The following SLC8A1 variants were observed in gnomAD, a reference collection of about 807,000 sequenced individuals.
SLC8A1 encodes sodium/calcium exchanger 1.
A neutral mutation model predicts 68.3 loss-of-function variants in SLC8A1; 18 were observed. The ratio of observed to expected loss-of-function variants is 0.26; its 90% confidence interval spans 0.18 to 0.39. SLC8A1 has a LOEUF of 0.39. SLC8A1 is among the 10% of genes least tolerant of loss of function. The pLI, the probability that SLC8A1 is intolerant of heterozygous loss-of-function variation, is 1.00. For synonymous variants in SLC8A1, 475 were observed against 415.5 expected (o/e 1.14, Z -1.74); for missense variants, 985 against 1,156.7 (o/e 0.85, Z 2.15).
intron 2 of SLC8A1, among the ~76,000 whole-genome samples, chr2:40,311,486 C>G (rs2073662893): frequency 6.6e-6 from 1 of 151,954 alleles, no homozygotes; most frequent in African/African-American, 2.4e-5. Context: ...TGATGTATGT[C>G]TACTGAACTC....
intron 1 of SLC8A1, among the ~76,000 whole-genome samples, chr2:40,483,005 C>T (rs536747629): frequency 4.7e-5 from 7 of 150,022 alleles, no homozygotes; most frequent in Admixed American, 4.0e-4. Context: ...GGGGTTTCAC[C>T]GTGTTAGCCA....
chr2:40,205,974 T>C (rs1180817858), intron 2 of SLC8A1, among the ~76,000 whole-genome samples: 1 of 152,000 alleles, frequency 6.6e-6, no homozygotes, highest in African/African-American at 2.4e-5. Flanking sequence ...TTGTATGATT[T>C]GGTGACACAA....
At chr2:40,268,430 C>G (rs925431832) in intron 2 of SLC8A1, among the ~76,000 whole-genome samples, 18 of 152,252 alleles carry the variant, frequency 1.2e-4, no homozygotes, top group Non-Finnish European at 1.8e-4. Context: ...TTGGATAATA[C>G]TAGGAGCCAG....
At chr2:40,305,947 G>A (rs1384036183) in intron 2 of SLC8A1, among the ~76,000 whole-genome samples, 1 of 152,170 alleles carries the variant, frequency 6.6e-6, no homozygotes, top group Non-Finnish European at 1.5e-5. Flanking sequence ...CTTGGTAAAT[G>A]AATTCAAGCA....
At chr2:40,306,029 G>C (rs576188095) in intron 2 of SLC8A1, among the ~76,000 whole-genome samples, 16 of 152,250 alleles carry the variant, frequency 1.1e-4, no homozygotes, top group South Asian at 8.3e-4. Flanking sequence ...TCCCTTACAG[G>C]TTTTGGGAGG....
At chr2:40,288,194 C>A (rs982923237) in intron 2 of SLC8A1, among the ~76,000 whole-genome samples, 2 of 152,038 alleles carry the variant, frequency 1.3e-5, no homozygotes, top group East Asian at 1.9e-4. Flanking sequence ...AATAATAGAC[C>A]CCCTCAAGAA....
chr2:40,384,518 G>T (rs777839520), intron 2 of SLC8A1, among the ~76,000 whole-genome samples: 2 of 151,962 alleles, frequency 1.3e-5, no homozygotes, highest in Non-Finnish European at 2.9e-5. Flanking sequence ...CATTCAAAAA[G>T]AACATAGAAG....
At chr2:40,480,638 G>T (rs1382283409) in intron 1 of SLC8A1, among the ~76,000 whole-genome samples, 1 of 152,168 alleles carries the variant, frequency 6.6e-6, no homozygotes, top group Non-Finnish European at 1.5e-5. Context: ...GAGGTTGAGT[G>T]TATCAGCTGA....
intron 6 of SLC8A1, among the ~76,000 whole-genome samples, chr2:40,146,366 C>A (rs899487162): frequency 6.6e-6 from 1 of 152,106 alleles, no homozygotes; most frequent in Non-Finnish European, 1.5e-5. Context: ...ATCTCACAAT[C>A]CAGGTTTAGA....
intron 1 of SLC8A1, among the ~76,000 whole-genome samples, chr2:40,504,911 A>T (rs924672143): frequency 6.6e-6 from 1 of 151,972 alleles, no homozygotes; most frequent in African/African-American, 2.4e-5. Context: ...GTTCCTCAAA[A>T]ACTAAGAATT....
At chr2:40,242,161 A>T (rs2061312241) in intron 2 of SLC8A1, among the ~76,000 whole-genome samples, 1 of 151,814 alleles carries the variant, frequency 6.6e-6, no homozygotes. Context: ...TGTGTGTGTG[A>T]GAGAGAGACA....
At chr2:40,434,461 C>T (rs934789122) in intron 1 of SLC8A1, among the ~76,000 whole-genome samples, 6 of 152,286 alleles carry the variant, frequency 3.9e-5, no homozygotes, top group Admixed American at 3.9e-4. Flanking sequence ...GGTCTTTCCT[C>T]TATCATCAGA....
chr2:40,111,503 C>T (rs1456495283), exon 8 of SLC8A1: 2 of 151,990 alleles, frequency 1.3e-5, no homozygotes, highest in Admixed American at 6.6e-5. Flanking sequence ...TAAAGATGAT[C>T]GGATCAATAA....
At chr2:40,115,488 T>C (rs775979049) in exon 8 of SLC8A1, 6 of 1,614,200 alleles carry the variant, frequency 3.7e-6, no homozygotes, top group South Asian at 1.1e-5. Context: ...CTGTTCCCCA[T>C]TGGCTGCGTG....
chr2:40,143,379 G>A (rs1384828433), intron 6 of SLC8A1, among the ~76,000 whole-genome samples: 4 of 152,124 alleles, frequency 2.6e-5, no homozygotes, highest in Non-Finnish European at 5.9e-5. Flanking sequence ...CTGTGGTTCT[G>A]TATGTTCACC....
intron 2 of SLC8A1, among the ~76,000 whole-genome samples, chr2:40,261,427 C>T (rs1023307519): frequency 3.3e-5 from 5 of 152,160 alleles, no homozygotes; most frequent in Admixed American, 1.3e-4. Flanking sequence ...AGAAACTGCT[C>T]GATTGGGATT....
Position 40,117,170 on chromosome 2 carries a change from G to C in SLC8A1, c.2438-1541C>G, listed in dbSNP as rs149560168. The C allele has an allele frequency of 1.3e-3, 191 of 152,126 alleles. 1 individual carries two copies. The highest frequency in any genetic ancestry group is 4.3e-3 in the African/African-American group (177 of 41,490). The allele number at this position is 152,126 out of a possible 1,614,324, so 9.4% of individuals were successfully genotyped here. A position where few individuals can be genotyped will look rare whatever the true frequency, so the allele number is the denominator to read the frequency against. ...TAGATCGGTTTAAAAGTTGAGGTAG[G>C]ATCTGAAATAGCTTCCTGTATTAAG... On this transcript the variant is annotated intron_variant, in intron 7 of 7. Coordinates refer to ENST00000406785, the Ensembl canonical transcript of SLC8A1.
chr2:40,199,971 A>G (rs1007090426), intron 2 of SLC8A1, among the ~76,000 whole-genome samples: 4 of 150,016 alleles, frequency 2.7e-5, no homozygotes, highest in Admixed American at 6.7e-5. Context: ...TTTTCATAAC[A>G]AAGTCAGCTT....
intron 2 of SLC8A1, among the ~76,000 whole-genome samples, chr2:40,427,605 C>G (rs1697223410): frequency 6.6e-6 from 1 of 152,074 alleles, no homozygotes; most frequent in Admixed American, 6.6e-5. Flanking sequence ...AAAGGGGGAA[C>G]AGCCCTCTAA....
Sources: gnomAD v4.1 joint callset for allele counts (sites outside exome capture counted in the v4.1 genomes callset) on GRCh38, gnomAD v4.1.1 for gene constraint, MANE v1.5 for transcripts, NCBI Gene and HGNC (gene_info 2026-07-23, HGNC 2026-07-21) for gene names.